DIP2A: variants seen among roughly 807,000 people sequenced by gnomAD.
DIP2A encodes disco-interacting protein 2 homolog A.
A neutral mutation model predicts 177.4 loss-of-function variants in DIP2A; 85 were observed. That is an observed-to-expected ratio of 0.48 (90% CI 0.40 to 0.57). The LOEUF (loss-of-function observed/expected upper bound fraction) is 0.57. Among genes scored for constraint, DIP2A ranks in the 20% least tolerant of loss-of-function variants. The pLI is 0.00. For missense variants in DIP2A, 1,791 were observed against 2,100.2 expected, an observed-to-expected ratio of 0.85 and a Z score of 2.88; for synonymous variants, 886 against 881.8, an observed-to-expected ratio of 1.00 and a Z score of -0.08.
chr21:46,487,671 C>T (rs2056773038), intron 2 of DIP2A, among the ~76,000 whole-genome samples: 1 of 152,128 alleles, frequency 6.6e-6, no homozygotes, highest in Non-Finnish European at 1.5e-5. Flanking sequence ...CGGCTTTTCT[C>T]TAGCAATATT....
At chr21:46,523,258 G>A (rs1051325452) in intron 8 of DIP2A, among the ~76,000 whole-genome samples, 1 of 151,058 alleles carries the variant, frequency 6.6e-6, no homozygotes, top group African/African-American at 2.4e-5. Context: ...TTTTTGAGAT[G>A]GAGTCTGGCT....
the DIP2A span, among the ~76,000 whole-genome samples, chr21:46,577,913 C>T: frequency 1.3e-5 from 2 of 152,330 alleles, no homozygotes; most frequent in Admixed American, 1.3e-4. Flanking sequence ...TGGAAGTTCA[C>T]TTAAGATTTG....
chr21:46,577,401 T>C, the DIP2A span, among the ~76,000 whole-genome samples: 1 of 152,216 alleles, frequency 6.6e-6, no homozygotes, highest in Non-Finnish European at 1.5e-5. Flanking sequence ...CTTTCCCCAT[T>C]GCTTGTTTTT....
rs1477986461 is a variant in DIP2A, at chr21:46,557,373, CAA to C, written c.3630-211_3630-210del. ...TGGAGTGGTGTCCCCGGATCCTCTCCAAGTGTTCGGAGCAGAGCTCAGAACCC... is the reference window on the plus strand; with the variant it reads ...TGGAGTGGTGTCCCCGGATCCTCTCCGTGTTCGGAGCAGAGCTCAGAACCC... On this transcript the variant is annotated intron_variant, in intron 30 of 37. Transcript: ENST00000417564. The surrounding 1 kb of genome is among the most constrained non-coding windows in gnomAD (Gnocchi z 6.0). 98 of 670,436 alleles carry C rather than the reference CAA, an allele frequency of 1.5e-4. No homozygotes were observed. The highest frequency in any genetic ancestry group is 8.0e-4 in the Admixed American group (27 of 33,900). The allele number at this position is 670,436 out of a possible 1,614,324, so 41.5% of individuals were successfully genotyped here. A position where few individuals can be genotyped will look rare whatever the true frequency, so the allele number is the denominator to read the frequency against.
rs1440877192 is a variant in DIP2A, at chr21:46,558,263, T to C, written c.3839T>C (p.Val1280Ala). ...CTGTCATGTGTGCGCACGTGCATGG[T>C]GGTCGCCGAGGAGCGGCCCAGGATT... ...VNLSCVRTCM[V>A]VAEERPRIAL... The change falls in exon 32 of 38, where the codon GTG (valine) becomes GCG (alanine). Residue 1280 changes from valine to alanine, a missense_variant. Val to Ala is a moderately conservative substitution (Grantham distance 64, BLOSUM62 0). Coordinates refer to ENST00000417564, the MANE Select transcript of DIP2A (RefSeq NM_015151.4). 8 of 1,612,582 alleles carry C rather than the reference T, an allele frequency of 5.0e-6. No individual in the cohort carries two copies. The highest frequency in any genetic ancestry group is 4.2e-6 in the Non-Finnish European group (5 of 1,179,800).
chr21:46,496,630 C>T (rs1378583785), intron 3 of DIP2A, among the ~76,000 whole-genome samples: 4 of 152,184 alleles, frequency 2.6e-5, no homozygotes, highest in African/African-American at 4.8e-5. Flanking sequence ...TTGTATTAGG[C>T]TGCATTCAAA....
At chr21:46,463,711 T>TGTGTGC (rs1568890461) in intron 1 of DIP2A, among the ~76,000 whole-genome samples, 1 of 150,846 alleles carries the variant, frequency 6.6e-6, no homozygotes, top group African/African-American at 2.5e-5. Flanking sequence ...TGTGTGTGTG[T>TGTGTGC]GTGTGTGTAT....
intron 5 of DIP2A, among the ~76,000 whole-genome samples, chr21:46,502,694 C>G (rs377702083): frequency 6.6e-6 from 1 of 152,030 alleles, no homozygotes; most frequent in Non-Finnish European, 1.5e-5. Flanking sequence ...CTGATCTGCC[C>G]GCCTTGACCT....
At chr21:46,508,827 C>A (rs1041458306) in intron 6 of DIP2A, among the ~76,000 whole-genome samples, 2 of 151,642 alleles carry the variant, frequency 1.3e-5, no homozygotes, top group African/African-American at 2.4e-5. Context: ...TCGATACCAT[C>A]CTGGCCAACA....
At chr21:46,535,581 G>T (rs1185738367) in intron 13 of DIP2A, among the ~76,000 whole-genome samples, 2 of 151,956 alleles carry the variant, frequency 1.3e-5, no homozygotes, top group African/African-American at 2.4e-5. Context: ...ATTTTAAATA[G>T]AATTTTTAAA....
At chr21:46,469,388 G>A (rs1244300129) in intron 1 of DIP2A, 1 of 152,224 alleles carries the variant, frequency 6.6e-6, no homozygotes, top group Admixed American at 6.5e-5. Flanking sequence ...TGTTGAATCA[G>A]AGTGTGGCCT....
intron 1 of DIP2A, among the ~76,000 whole-genome samples, chr21:46,463,634 T>A (rs765842404): frequency 1.4e-3 from 218 of 152,236 alleles, no homozygotes; most frequent in Non-Finnish European, 2.6e-3. Context: ...CTCACAAAGC[T>A]TTTTTCCTCT....
rs73909549 is a variant in DIP2A, at chr21:46,475,051, C to T, written c.92-9706C>T. Among the ~76,000 whole-genome samples, 1,168 of 144,660 alleles carry T rather than the reference C, an allele frequency of 8.1e-3. 14 individuals are homozygous for T. The highest frequency in any genetic ancestry group is 0.029 in the African/African-American group (1,117 of 38,694). 94.9% of individuals were successfully genotyped at this position (144,660 alleles called of 152,430 possible). Reference sequence around the variant, plus strand: ...TTGGGGAAGTGGGCACTCAGCAGCCCTATGTCTGCCTCAACCAGAGACTCT... The same window carrying T: ...TTGGGGAAGTGGGCACTCAGCAGCCTTATGTCTGCCTCAACCAGAGACTCT... On this transcript the variant is annotated intron_variant, in intron 1 of 37. Coordinates refer to ENST00000417564, the MANE Select transcript of DIP2A (RefSeq NM_015151.4).
At chr21:46,506,740 C>CTTTCTTTCTTTTCT (rs1174171701) in intron 6 of DIP2A, among the ~76,000 whole-genome samples, 2 of 72,206 alleles carry the variant, frequency 2.8e-5, no homozygotes, top group Non-Finnish European at 6.6e-5. Context: ...TTCTTTCTTT[C>CTTTCTTTCTTTTCT]TTTCTTTCTT....
chr21:46,495,672 GGCATAGCTTACT>G (rs2057319260), intron 3 of DIP2A, among the ~76,000 whole-genome samples: 1 of 151,960 alleles, frequency 6.6e-6, no homozygotes, highest in African/African-American at 2.4e-5. Context: ...CAGTGGTACA[GGCATAGCTTACT>G]GCACCTTGGA....
intron 20 of DIP2A, 95 bp from the exon 21 acceptor site, chr21:46,546,820 G>A: frequency 6.9e-7 from 1 of 1,439,790 alleles, no homozygotes; most frequent in South Asian, 1.3e-5. Context: ...AGGCTCCTGT[G>A]CTGTTGGCCC....
chr21:46,566,510 C>T, intron 36 of DIP2A, 50 bp from the exon 37 acceptor site: 1 of 1,611,988 alleles, frequency 6.2e-7, no homozygotes, highest in Non-Finnish European at 8.5e-7. Context: ...AATGTCCAGA[C>T]TCTGCATGCC....
intron 21 of DIP2A, among the ~76,000 whole-genome samples, chr21:46,549,118 T>C (rs1192965584): frequency 1.3e-5 from 2 of 152,114 alleles, no homozygotes; most frequent in Non-Finnish European, 2.9e-5. Flanking sequence ...TGAGGTCTGT[T>C]GTGTAAATTG....
Position 46,541,760 on chromosome 21 carries a change from C to T in DIP2A, c.2041C>T (p.Pro681Ser), listed in dbSNP as rs2059828222. ...CATGGTGGTTTTATTTTCTAGGCCA[C>T]CTGATCTGGGAGGACCACCTCCAAG... is the stretch of plus-strand genomic sequence containing the variant. Reference protein sequence around the residue: ...EALTVAIRRPPDLGGPPPRKA... With the variant: ...EALTVAIRRPSDLGGPPPRKA... The change falls in exon 18 of 38, where the codon CCT (proline) becomes TCT (serine). Residue 681 changes from proline (P) to serine (S), a missense_variant. Pro to Ser is a moderately conservative substitution (Grantham distance 74). Coordinates refer to ENST00000417564, the MANE Select transcript of DIP2A (RefSeq NM_015151.4). 2 of 1,613,890 alleles carry T rather than the reference C, an allele frequency of 1.2e-6. No homozygotes were observed. Among genetic ancestry groups the T allele is most frequent in the Non-Finnish European group, 1.7e-6 (2 of 1,179,872 alleles).
Sources: allele counts gnomAD v4.1 joint callset (sites outside exome capture counted in the v4.1 genomes callset), GRCh38; gene constraint gnomAD v4.1.1; non-coding constraint Gnocchi (gnomAD v3.1); transcripts MANE v1.5; gene names NCBI Gene and HGNC (gene_info 2026-07-23, HGNC 2026-07-21).